CNGB3: variants seen among roughly 807,000 people sequenced by gnomAD.
CNGB3 encodes cyclic nucleotide-gated channel beta-3.
Under a neutral mutation model 92.8 loss-of-function variants are expected in CNGB3, and 86 were observed. That is an observed-to-expected ratio of 0.93 (90% CI 0.78 to 1.11). The LOEUF is 1.11. Ranked by LOEUF, CNGB3 falls within the 50% of genes least tolerant of loss-of-function variation. The probability of loss-of-function intolerance (pLI) is 0.00; values close to 1 mark genes in which losing one functional copy is unlikely to be tolerated. For missense variants in CNGB3, 1,026 were observed against 956.8 expected, an observed-to-expected ratio of 1.07 and a Z score of -0.95; for synonymous variants, 333 against 332.7, an observed-to-expected ratio of 1.00 and a Z score of -0.01.
At chr8:86,728,610 A>C (rs937248225) in intron 2 of CNGB3, among the ~76,000 whole-genome samples, 1 of 152,126 alleles carries the variant, frequency 6.6e-6, no homozygotes, top group African/African-American at 2.4e-5. Context: ...TAGAAGCAAA[A>C]TTCTTAATTG....
intron 2 of CNGB3, among the ~76,000 whole-genome samples, chr8:86,734,335 G>A (rs1258115010): frequency 1.3e-5 from 2 of 152,138 alleles, no homozygotes; most frequent in Non-Finnish European, 2.9e-5. Context: ...TGGAACCTAG[G>A]GGTCTTGGCT....
intron 3 of CNGB3, among the ~76,000 whole-genome samples, chr8:86,694,904 C>T (rs935632556): frequency 1.1e-4 from 16 of 152,068 alleles, no homozygotes; most frequent in African/African-American, 2.9e-4. Context: ...GGGTGGCGCC[C>T]GGGCAGAGGC....
intron 13 of CNGB3, among the ~76,000 whole-genome samples, chr8:86,620,066 C>T (rs956082507): frequency 9.9e-5 from 15 of 152,056 alleles, no homozygotes; most frequent in African/African-American, 3.6e-4. Context: ...TCCTTCCCAC[C>T]TTATCAGTGA....
chr8:86,707,353 C>A (rs545410723), intron 3 of CNGB3, among the ~76,000 whole-genome samples: 1 of 152,008 alleles, frequency 6.6e-6, no homozygotes, highest in East Asian at 1.9e-4. Context: ...TGAAGGAAAA[C>A]AAAGTAAGGA....
At chr8:86,739,620 G>GTTTTTTTTTT in intron 2 of CNGB3, 35 bp downstream of exon 2, 11 of 1,488,498 alleles carry the variant, frequency 7.4e-6, no homozygotes, top group East Asian at 7.2e-5. Context: ...TCACTTTTTA[G>GTTTTTTTTTT]TTTTTTTTTT....
intron 2 of CNGB3, among the ~76,000 whole-genome samples, chr8:86,736,204 G>A (rs940201716): frequency 2.6e-5 from 4 of 152,162 alleles, no homozygotes; most frequent in Non-Finnish European, 5.9e-5. Context: ...ATGTTTTGAA[G>A]TGAACACAAA....
intron 5 of CNGB3, 92 bp downstream of exon 5, chr8:86,667,927 A>G: frequency 7.4e-7 from 1 of 1,356,730 alleles, no homozygotes; most frequent in Non-Finnish European, 1.1e-6. Flanking sequence ...AATATGAAGT[A>G]AGGAAAATAG....
intron 15 of CNGB3, among the ~76,000 whole-genome samples, chr8:86,590,869 G>C (rs1822015793): frequency 6.6e-6 from 1 of 150,996 alleles, no homozygotes; most frequent in South Asian, 2.1e-4. Context: ...TGTATTTCCT[G>C]AATCTGAATG....
intron 3 of CNGB3, chr8:86,703,932 T>C (rs1824603519): frequency 6.6e-6 from 1 of 152,214 alleles, no homozygotes; most frequent in Admixed American, 6.5e-5. Flanking sequence ...TCATAAAAAC[T>C]AATATTTCTT....
chr8:86,667,215 G>T, intron 5 of CNGB3, 82 bp from the exon 6 acceptor site: 1 of 1,191,596 alleles, frequency 8.4e-7, no homozygotes, highest in South Asian at 1.3e-5. Flanking sequence ...GGGGAGGTTG[G>T]GGCACTACCC....
At chr8:86,658,524 G>T (rs1823564829) in intron 6 of CNGB3, 5 of 366,862 alleles carry the variant, frequency 1.4e-5, no homozygotes, top group Non-Finnish European at 2.6e-5. Context: ...TATGAGCTGG[G>T]TCTGCAGCAG....
intron 17 of CNGB3, among the ~76,000 whole-genome samples, chr8:86,576,691 CA>C (rs1373136437): frequency 6.6e-6 from 1 of 152,058 alleles, no homozygotes; most frequent in Non-Finnish European, 1.5e-5. Context: ...AATTTCATAG[CA>C]AAAGGTACAC....
intron 6 of CNGB3, among the ~76,000 whole-genome samples, chr8:86,656,543 T>A (rs1281224186): frequency 6.6e-6 from 1 of 152,192 alleles, no homozygotes; most frequent in Non-Finnish European, 1.5e-5. Context: ...GTCACCCCAC[T>A]TAATTATCTC....
chr8:86,583,351 C>G (rs1243779350), intron 15 of CNGB3, among the ~76,000 whole-genome samples: 1 of 152,054 alleles, frequency 6.6e-6, no homozygotes, highest in African/African-American at 2.4e-5. Flanking sequence ...TTGTAAGGCA[C>G]CACATGTGAA....
chr8:86,643,871 ACT>A lies in CNGB3; in HGVS notation c.1056_1057del (p.Arg352SerfsTer15). ...CAGCAAGTATCCAGTTGTTCGAATA[ACT>A]CTGTCAGAGAGAATAGATGCAAAGT... On this transcript the variant is annotated frameshift_variant and splice_region_variant, in exon 10 of 18. Coordinates refer to ENST00000320005, the MANE Select transcript of CNGB3 (RefSeq NM_019098.5). LOFTEE classifies it high-confidence loss of function. 1 of 1,604,792 alleles carries A rather than the reference ACT, an allele frequency of 6.2e-7. No individual in the cohort carries two copies. The highest frequency in any genetic ancestry group is 1.3e-5 in the African/African-American group (1 of 74,318).
chr8:86,743,077 G>A (rs995293275), intron 1 of CNGB3, among the ~76,000 whole-genome samples: 1 of 152,128 alleles, frequency 6.6e-6, no homozygotes, highest in Non-Finnish European at 1.5e-5. Context: ...TGTCCCTTGA[G>A]TGGTAAAATC....
At chr8:86,639,314 A>G (rs1298551367) in intron 10 of CNGB3, among the ~76,000 whole-genome samples, 2 of 152,140 alleles carry the variant, frequency 1.3e-5, no homozygotes, top group Non-Finnish European at 2.9e-5. Context: ...AATCTTAGGT[A>G]CTTACTTGTG....
At chr8:86,682,068 C>T (rs1363055521) in intron 3 of CNGB3, among the ~76,000 whole-genome samples, 1 of 152,130 alleles carries the variant, frequency 6.6e-6, no homozygotes, top group Non-Finnish European at 1.5e-5. Context: ...CTTGGTGTAG[C>T]ATGCAGAGCT....
intron 10 of CNGB3, among the ~76,000 whole-genome samples, chr8:86,634,328 C>G (rs1460182585): frequency 6.6e-6 from 1 of 152,126 alleles, no homozygotes; most frequent in Non-Finnish European, 1.5e-5. Context: ...GAACTGTAGA[C>G]TAACATAATT....
Sources: gnomAD v4.1 joint callset for allele counts (sites outside exome capture counted in the v4.1 genomes callset) on GRCh38, gnomAD v4.1.1 for gene constraint, MANE v1.5 for transcripts, NCBI Gene and HGNC (gene_info 2026-07-23, HGNC 2026-07-21) for gene names.